ATRNL1: variants seen among roughly 807,000 people sequenced by gnomAD.
ATRNL1 encodes attractin like 1, also known as attractin-like protein 1.
Under a neutral mutation model 182.7 loss-of-function variants are expected in ATRNL1, and 95 were observed. The observed-to-expected ratio is 0.52, with a 90% CI of 0.44 to 0.62. The LOEUF (loss-of-function observed/expected upper bound fraction) is 0.62. Among genes scored for constraint, ATRNL1 ranks in the 20% least tolerant of loss-of-function variants. The pLI, the probability that ATRNL1 is intolerant of heterozygous loss-of-function variation, is 0.00. For synonymous variants in ATRNL1, 576 were observed against 568.3 expected (o/e 1.01, Z -0.19); for missense variants, 1,471 against 1,679.5 (o/e 0.88, Z 2.17).
intron 28 of ATRNL1, among the ~76,000 whole-genome samples, chr10:115,888,372 A>G (rs1479180900): frequency 1.3e-5 from 2 of 152,174 alleles, no homozygotes; most frequent in African/African-American, 4.8e-5. Context: ...ACCCCATTAG[A>G]GTGCAAGCTC....
chr10:115,468,409 A>G (rs982017421), intron 23 of ATRNL1, among the ~76,000 whole-genome samples: 4 of 150,978 alleles, frequency 2.6e-5, no homozygotes, highest in African/African-American at 9.6e-5. Context: ...TGGAATCTGC[A>G]TTTAATAAAT....
At chr10:115,560,762 C>G (rs1166295639) in intron 26 of ATRNL1, among the ~76,000 whole-genome samples, 2 of 150,800 alleles carry the variant, frequency 1.3e-5, no homozygotes, top group African/African-American at 4.8e-5. Flanking sequence ...ACTTACTATG[C>G]AAGTATAGTA....
At chr10:115,876,422 T>A (rs1951701927) in intron 28 of ATRNL1, among the ~76,000 whole-genome samples, 1 of 152,204 alleles carries the variant, frequency 6.6e-6, no homozygotes, top group South Asian at 2.1e-4. Flanking sequence ...TCATATTTAT[T>A]TTGATAACAA....
intron 26 of ATRNL1, among the ~76,000 whole-genome samples, chr10:115,642,862 G>C (rs1315674235): frequency 6.6e-6 from 1 of 152,180 alleles, no homozygotes; most frequent in Non-Finnish European, 1.5e-5. Flanking sequence ...GGTAACACTT[G>C]ATTTCGAGGC....
intron 24 of ATRNL1, among the ~76,000 whole-genome samples, chr10:115,507,339 G>A (rs1850163347): frequency 6.6e-6 from 1 of 151,878 alleles, no homozygotes. Context: ...TTTCTCAAGT[G>A]TTACATCTCT....
Position 115,855,448 on chromosome 10 carries a change from T to C in ATRNL1, c.4018+7457T>C, listed in dbSNP as rs782019194. Among the ~76,000 whole-genome samples, 4 of 152,222 alleles carry C rather than the reference T, an allele frequency of 2.6e-5. No individual in the cohort carries two copies. The South Asian group carries it at 6.2e-4, about 24-fold the overall frequency. Reference sequence around the variant, plus strand: ...TCAGAGTTGCTATGTTCTTTTCTTTTTTCCCCAGTAGTAAGCTCTCTGAAG... The same window carrying C: ...TCAGAGTTGCTATGTTCTTTTCTTTCTTCCCCAGTAGTAAGCTCTCTGAAG... On this transcript the variant is annotated intron_variant, in intron 28 of 28. Transcript: ENST00000355044.
chr10:115,533,032 A>T (rs202237351), intron 25 of ATRNL1, among the ~76,000 whole-genome samples: 11,031 of 151,286 alleles, frequency 0.073, 795 homozygotes, highest in African/African-American at 0.19. Context: ...TTTATTGAGG[A>T]TTTTTGCATC....
intron 19 of ATRNL1, among the ~76,000 whole-genome samples, chr10:115,355,076 A>G (rs1856442693): frequency 6.6e-6 from 1 of 151,914 alleles, no homozygotes; most frequent in African/African-American, 2.4e-5. Flanking sequence ...TGTTTTCTCA[A>G]AACAGGTGTA....
intron 9 of ATRNL1, among the ~76,000 whole-genome samples, chr10:115,220,911 T>C (rs895976680): frequency 1.8e-4 from 28 of 152,246 alleles, no homozygotes; most frequent in Middle Eastern, 6.8e-3. Flanking sequence ...GGTTTTGATA[T>C]GAGTCTGCAA....
chr10:115,572,426 C>T (rs782819082), intron 26 of ATRNL1, among the ~76,000 whole-genome samples: 10 of 151,580 alleles, frequency 6.6e-5, no homozygotes, highest in African/African-American at 9.7e-5. Flanking sequence ...TTGGATGCAA[C>T]GGGTGGGGAA....
rs1310101106 is a variant in ATRNL1, at chr10:115,940,677, CTCTCTCTCTCTCTCTCTCTCT to C, written c.4019-3965_4019-3945del. Among the ~76,000 whole-genome samples the C allele has an allele frequency of 2.5e-3, 221 of 87,868 alleles. 1 individual carries two copies. The highest frequency in any genetic ancestry group is 0.02 in the African/African-American group (208 of 10,450). The allele number at this position is 87,868 out of a possible 152,430, so 57.6% of individuals were successfully genotyped here. A position where few individuals can be genotyped will look rare whatever the true frequency, so the allele number is the denominator to read the frequency against. ...GAAAGGCAATGACAGAGATTACTCT[CTCTCTCTCTCTCTCTCTCTCT>C]TCTCTCTCTCTCTCTTTTAGTGAGT... On this transcript the variant is annotated intron_variant, in intron 28 of 28. Coordinates refer to ENST00000355044, the MANE Select transcript of ATRNL1 (RefSeq NM_207303.4).
At chr10:115,718,834 A>G (rs1207691371) in intron 26 of ATRNL1, among the ~76,000 whole-genome samples, 3 of 152,210 alleles carry the variant, frequency 2.0e-5, no homozygotes, top group African/African-American at 4.8e-5. Flanking sequence ...ATAGCAGACT[A>G]TACTATCTGC....
intron 26 of ATRNL1, among the ~76,000 whole-genome samples, chr10:115,630,106 G>T (rs1858382939): frequency 6.6e-6 from 1 of 152,040 alleles, no homozygotes; most frequent in African/African-American, 2.4e-5. Flanking sequence ...ACCAAGACCA[G>T]TGTCGAGGAG....
At chr10:115,835,957 C>A (rs994413304) in intron 27 of ATRNL1, among the ~76,000 whole-genome samples, 1 of 152,164 alleles carries the variant, frequency 6.6e-6, no homozygotes, top group African/African-American at 2.4e-5. Flanking sequence ...TCTGCTCTGT[C>A]CCCCCACACC....
chr10:115,120,192 G>A lies in ATRNL1; in HGVS notation c.301G>A (p.Glu101Lys). 6.5e-7 allele frequency: 1 copy of A among 1,537,664 alleles called. No individual in the cohort carries two copies. The highest frequency in any genetic ancestry group is 9.0e-7 in the Non-Finnish European group (1 of 1,117,284). ...TTTTATTTTCTCTTCCAGGTTAACAGAACCTTCTGGATATTTAACAGATGG... is the reference window on the plus strand; with the variant it reads ...TTTTATTTTCTCTTCCAGGTTAACAAAACCTTCTGGATATTTAACAGATGG... The part of the protein sequence containing the change: ...QHCQGRFKLT[E>K]PSGYLTDGPI... The change falls in exon 2 of 29, where the codon GAA (glutamate) becomes AAA (lysine). Residue 101 changes from glutamate to lysine, a missense_variant. By Grantham distance (56) the Glu-to-Lys change is moderately conservative. This residue lies in a region of ATRNL1 where 1,031 missense variants were observed against 1,156.0 expected (regional missense o/e 0.89). Transcript: ENST00000355044.
intron 8 of ATRNL1, among the ~76,000 whole-genome samples, chr10:115,204,636 C>T (rs1316796439): frequency 6.6e-6 from 1 of 151,842 alleles, no homozygotes; most frequent in African/African-American, 2.4e-5. Flanking sequence ...GGGATATATC[C>T]CATTTTATCA....
At chr10:115,249,015 A>C (rs575707165) in intron 10 of ATRNL1, among the ~76,000 whole-genome samples, 1 of 150,662 alleles carries the variant, frequency 6.6e-6, no homozygotes, top group Non-Finnish European at 1.5e-5. Flanking sequence ...AAAGATTTTT[A>C]TTTTTTTTTG....
At chr10:115,292,541 A>G (rs1483334840) in intron 15 of ATRNL1, among the ~76,000 whole-genome samples, 1 of 151,586 alleles carries the variant, frequency 6.6e-6, no homozygotes, top group Non-Finnish European at 1.5e-5. Flanking sequence ...GCTATATCCT[A>G]TAGGCTTTGG....
chr10:115,215,994 T>C (rs1849215725), intron 9 of ATRNL1, 114 bp downstream of exon 9: 2 of 727,412 alleles, frequency 2.7e-6, no homozygotes, highest in African/African-American at 1.9e-5. Flanking sequence ...TTGTAAATGC[T>C]GATATCGTCT....
Sources: gnomAD v4.1 joint callset for allele counts (sites outside exome capture counted in the v4.1 genomes callset) on GRCh38, gnomAD v4.1.1 for gene constraint, gnomAD v4.1.1 regional missense constraint, MANE v1.5 for transcripts, NCBI Gene and HGNC (gene_info 2026-07-23, HGNC 2026-07-21) for gene names.